The following WWOX variants were observed in gnomAD, a reference collection of about 807,000 sequenced individuals.
WWOX encodes WW domain-containing oxidoreductase.
A neutral mutation model predicts 46.2 loss-of-function variants in WWOX; 69 were observed. The observed-to-expected ratio is 1.49, with a 90% confidence interval of 1.23 to 1.82. The LOEUF (loss-of-function observed/expected upper bound fraction) is 1.82, where lower values mean the gene tolerates loss of function less well. Ranked by LOEUF, WWOX falls within the 40% of genes most tolerant of loss-of-function variation. The pLI, the probability that WWOX is intolerant of heterozygous loss-of-function variation, is 0.00. For synonymous variants in WWOX, 359 were observed against 202.6 expected (o/e 1.77, Z -6.56); for missense variants, 919 against 542.6 (o/e 1.69, Z -6.89).
chr16:78,458,941 C>T (rs1382772448), intron 8 of WWOX, among the ~76,000 whole-genome samples: 1 of 152,100 alleles, frequency 6.6e-6, no homozygotes. Flanking sequence ...CTCTGTGTCA[C>T]CTCAGCATTT....
At chr16:78,842,149 A>C (rs1284049471) in intron 8 of WWOX, among the ~76,000 whole-genome samples, 1 of 152,054 alleles carries the variant, frequency 6.6e-6, no homozygotes, top group Non-Finnish European at 1.5e-5. Flanking sequence ...ATCCAGGAGG[A>C]GTTCATTTTC....
At chr16:78,934,508 C>CAAAAAA (rs760272326) in intron 8 of WWOX, among the ~76,000 whole-genome samples, 8 of 73,876 alleles carry the variant, frequency 1.1e-4, no homozygotes, top group Non-Finnish European at 2.0e-4. Flanking sequence ...AACCCTGTAT[C>CAAAAAA]AAAAAAAAAA....
At chr16:78,885,186 T>C (rs2044428499) in intron 8 of WWOX, among the ~76,000 whole-genome samples, 1 of 148,450 alleles carries the variant, frequency 6.7e-6, no homozygotes, top group Non-Finnish European at 1.5e-5. Flanking sequence ...TACCAATCAC[T>C]CTCTACTTTT....
intron 8 of WWOX, among the ~76,000 whole-genome samples, chr16:78,527,857 C>G (rs2043514737): frequency 6.6e-6 from 1 of 151,620 alleles, no homozygotes. Context: ...TGGGCAAAGG[C>G]CAGGGATAGT....
At chr16:79,083,274 C>T (rs7201950) in intron 8 of WWOX, among the ~76,000 whole-genome samples, 6,608 of 152,172 alleles carry the variant, frequency 0.043, 481 homozygotes, top group African/African-American at 0.15. Flanking sequence ...ATGTGAGTGA[C>T]ACTTCCAGAT....
At chr16:79,178,203 C>T (rs977744475) in intron 8 of WWOX, among the ~76,000 whole-genome samples, 1 of 152,110 alleles carries the variant, frequency 6.6e-6, no homozygotes, top group Non-Finnish European at 1.5e-5. Context: ...CAACCATGGA[C>T]AATACACAAA....
chr16:78,116,717 A>G (rs1464405443), intron 4 of WWOX, among the ~76,000 whole-genome samples: 1 of 152,198 alleles, frequency 6.6e-6, no homozygotes, highest in Admixed American at 6.5e-5. Context: ...ATGGACCCAT[A>G]CAATTGTGGA....
intron 5 of WWOX, among the ~76,000 whole-genome samples, chr16:78,271,893 G>C (rs1253848170): frequency 6.6e-6 from 1 of 152,146 alleles, no homozygotes; most frequent in Non-Finnish European, 1.5e-5. Flanking sequence ...TGCCACACCT[G>C]TATGGCCTTA....
intron 8 of WWOX, among the ~76,000 whole-genome samples, chr16:78,705,720 C>G (rs770593991): frequency 6.6e-6 from 1 of 152,076 alleles, no homozygotes; most frequent in African/African-American, 2.4e-5. Context: ...TTTTCTATGC[C>G]TTTGGTGACT....
chr16:78,381,349 A>T (rs2081953549), intron 5 of WWOX, among the ~76,000 whole-genome samples: 1 of 152,180 alleles, frequency 6.6e-6, no homozygotes, highest in Non-Finnish European at 1.5e-5. Context: ...GATGAAGAAG[A>T]CTTAGTGTAT....
At chr16:78,234,110 A>G (rs915880341) in intron 5 of WWOX, among the ~76,000 whole-genome samples, 1 of 112,630 alleles carries the variant, frequency 8.9e-6, no homozygotes, top group South Asian at 2.8e-4. Context: ...GGTGGGGAGG[A>G]GTTCATATTC....
intron 8 of WWOX, among the ~76,000 whole-genome samples, chr16:78,610,720 T>C (rs2045880907): frequency 6.6e-6 from 1 of 152,152 alleles, no homozygotes; most frequent in Admixed American, 6.6e-5. Flanking sequence ...GAAATCTAAC[T>C]TAGGGATGTA....
chr16:79,067,661 T>C lies in WWOX; in HGVS notation c.1057-143947T>C, dbSNP rs570379922. The stretch of plus-strand genomic sequence containing the variant: ...GCGGGGGGGGGCACTTATCACCACC[T>C]GCATATTATGCTTTTGTGCATTTCA... On this transcript the variant is annotated intron_variant, in intron 8 of 8. Transcript: ENST00000566780. Among the ~76,000 whole-genome samples the C allele has an allele frequency of 3.3e-5, 5 of 151,816 alleles. No homozygotes were observed. In the East Asian group the frequency reaches 7.8e-4, roughly 24 times the overall value.
At chr16:78,693,704 A>G (rs144960201) in intron 8 of WWOX, among the ~76,000 whole-genome samples, 35 of 152,166 alleles carry the variant, frequency 2.3e-4, no homozygotes, top group African/African-American at 8.4e-4. Context: ...TGTGCTACTA[A>G]TCGCCCTCTA....
chr16:78,583,170 A>G (rs568425268), intron 8 of WWOX, among the ~76,000 whole-genome samples: 3 of 152,230 alleles, frequency 2.0e-5, no homozygotes, highest in Admixed American at 6.5e-5. Context: ...TTGTAATGCA[A>G]AGTCTTTAAA....
intron 6 of WWOX, among the ~76,000 whole-genome samples, chr16:78,406,532 T>C (rs1467013697): frequency 1.3e-5 from 2 of 150,190 alleles, no homozygotes; most frequent in Admixed American, 6.7e-5. Flanking sequence ...TTTTGTATTT[T>C]AGTAGAGATG....
rs187010049 is a variant in WWOX, at chr16:78,681,427, T to C, written c.1056+248675T>C. Among the ~76,000 whole-genome samples, 181 of 152,090 alleles carry C rather than the reference T, an allele frequency of 1.2e-3. No individual in the cohort carries two copies. The Middle Eastern group carries it at 0.014, about 11-fold the overall frequency. On this transcript the variant is annotated intron_variant, in intron 8 of 8. Transcript: ENST00000566780. ...TCAAAAAACCAAAACAAAGGTCAAT[T>C]TTTTTTCCACATTCATCTATAAAAC...
chr16:78,735,072 G>T (rs1399248255), intron 8 of WWOX, among the ~76,000 whole-genome samples: 6 of 151,120 alleles, frequency 4.0e-5, no homozygotes. Context: ...TCACCATGTT[G>T]GCCAGGCTGG....
intron 8 of WWOX, among the ~76,000 whole-genome samples, chr16:79,178,270 A>T (rs2050841417): frequency 6.6e-6 from 1 of 152,204 alleles, no homozygotes; most frequent in African/African-American, 2.4e-5. Context: ...AACAGTGGGC[A>T]GGATTTGACC....
Sources: allele counts gnomAD v4.1 joint callset (sites outside exome capture counted in the v4.1 genomes callset), GRCh38; gene constraint gnomAD v4.1.1; transcripts MANE v1.5; gene names NCBI Gene and HGNC (gene_info 2026-07-23, HGNC 2026-07-21).